The following KCNJ4 variants were observed in gnomAD, a reference collection of about 807,000 sequenced individuals.
KCNJ4 encodes inward rectifier potassium channel 4.
In KCNJ4, 3 loss-of-function variants were observed where a neutral mutation model predicts 25.6. The observed-to-expected ratio is 0.12, with a 90% CI of 0.05 to 0.30. The LOEUF is 0.30. KCNJ4 is among the 10% of genes least tolerant of loss of function. KCNJ4 has a pLI of 1.00. For missense variants in KCNJ4, 286 were observed against 666.8 expected (o/e 0.43, Z 6.29); for synonymous variants, 257 against 283.9 (o/e 0.91, Z 0.95).
chr22:38,435,417 G>A (rs1269362160), intron 1 of KCNJ4, among the ~76,000 whole-genome samples: 2 of 152,190 alleles, frequency 1.3e-5, no homozygotes, highest in Non-Finnish European at 2.9e-5. Flanking sequence ...AATTTGCCGG[G>A]CACGGTGGCT....
chr22:38,452,167 C>G (rs973165565), intron 1 of KCNJ4, among the ~76,000 whole-genome samples: 4 of 152,166 alleles, frequency 2.6e-5, no homozygotes, highest in African/African-American at 9.6e-5. Flanking sequence ...CCAGGAGAGC[C>G]GCAGAACTTA....
intron 1 of KCNJ4, among the ~76,000 whole-genome samples, chr22:38,448,426 G>A (rs1006382989): frequency 2.0e-5 from 3 of 152,138 alleles, no homozygotes; most frequent in Admixed American, 1.3e-4. Context: ...GCCTAGTCAA[G>A]GTCATGCGGA....
intron 1 of KCNJ4, among the ~76,000 whole-genome samples, chr22:38,435,353 C>T (rs1043276783): frequency 2.0e-5 from 3 of 152,266 alleles, no homozygotes; most frequent in East Asian, 1.9e-4. Flanking sequence ...CATAGCTCAG[C>T]GCACCCAGGA....
chr22:38,441,482 T>C (rs2089332939), intron 1 of KCNJ4, among the ~76,000 whole-genome samples: 1 of 152,120 alleles, frequency 6.6e-6, no homozygotes, highest in African/African-American at 2.4e-5. Flanking sequence ...CCCCATCCCA[T>C]TGCCTCATCC....
chr22:38,441,334 G>A (rs2089331460), intron 1 of KCNJ4, among the ~76,000 whole-genome samples: 2 of 152,190 alleles, frequency 1.3e-5, no homozygotes, highest in African/African-American at 2.4e-5. Context: ...AGAGCCAGGA[G>A]TTCTGCTGGG....
rs1479542384 is a variant in KCNJ4, at chr22:38,443,692, G to A, written c.-40+11288C>T. On this transcript the variant is annotated intron_variant, in intron 1 of 1. Coordinates refer to ENST00000303592, the MANE Select transcript of KCNJ4 (RefSeq NM_152868.3). This position sits in a 1 kb window ranked among gnomAD's most constrained non-coding sequence, Gnocchi z 4.1. ...GTGGGCTTGGGAGCTTGCCCAAAGC[G>A]GGTGAACCTCGGGGCCCCGGACACG... Among the ~76,000 whole-genome samples, 3 of 152,154 alleles carry A rather than the reference G, an allele frequency of 2.0e-5. No homozygotes were observed. The highest frequency in any genetic ancestry group is 6.5e-5 in the Admixed American group (1 of 15,278).
At chr22:38,447,783 C>T (rs1403601124) in intron 1 of KCNJ4, among the ~76,000 whole-genome samples, 2 of 152,118 alleles carry the variant, frequency 1.3e-5, no homozygotes, top group Non-Finnish European at 2.9e-5. Context: ...AGAACCCTCC[C>T]GTCCGGGTGC....
intron 1 of KCNJ4, among the ~76,000 whole-genome samples, chr22:38,440,928 G>A (rs1034566786): frequency 6.6e-6 from 1 of 152,194 alleles, no homozygotes; most frequent in Non-Finnish European, 1.5e-5. Flanking sequence ...GTCAGATCCC[G>A]AGCCTCCAGA....
At chr22:38,444,600 A>G (rs573511362) in intron 1 of KCNJ4, among the ~76,000 whole-genome samples, 26 of 152,314 alleles carry the variant, frequency 1.7e-4, no homozygotes, top group African/African-American at 6.0e-4. Flanking sequence ...TGGCAGGGAC[A>G]TGTGTACAGG....
intron 1 of KCNJ4, among the ~76,000 whole-genome samples, chr22:38,435,040 C>T (rs1313097152): frequency 6.6e-6 from 1 of 152,230 alleles, no homozygotes; most frequent in Admixed American, 6.5e-5. Flanking sequence ...GGACTGGGAG[C>T]TGGGGAACCC....
intron 1 of KCNJ4, among the ~76,000 whole-genome samples, chr22:38,432,363 T>C (rs1263792973): frequency 6.6e-6 from 1 of 152,156 alleles, no homozygotes; most frequent in Non-Finnish European, 1.5e-5. Flanking sequence ...ACCACTTTTG[T>C]GGATGCAGGG....
chr22:38,432,923 A>T (rs1206207831), intron 1 of KCNJ4, among the ~76,000 whole-genome samples: 1 of 151,642 alleles, frequency 6.6e-6, no homozygotes, highest in African/African-American at 2.4e-5. Flanking sequence ...GTCAGCCGAG[A>T]TCACACCACT....
chr22:38,434,579 C>T (rs2093060083), intron 1 of KCNJ4, among the ~76,000 whole-genome samples: 1 of 152,122 alleles, frequency 6.6e-6, no homozygotes, highest in Non-Finnish European at 1.5e-5. Context: ...AGGTCCTTGG[C>T]TCACCCTGGT....
At chr22:38,441,586 TCTCA>T (rs913816044) in intron 1 of KCNJ4, among the ~76,000 whole-genome samples, 3 of 152,024 alleles carry the variant, frequency 2.0e-5, no homozygotes, top group Non-Finnish European at 4.4e-5. Context: ...AATGTGCCCC[TCTCA>T]CTCACACACA....
intron 1 of KCNJ4, among the ~76,000 whole-genome samples, chr22:38,448,557 A>G (rs2089391637): frequency 6.6e-6 from 1 of 152,030 alleles, no homozygotes; most frequent in African/African-American, 2.4e-5. Flanking sequence ...TTCTGGGGAG[A>G]AGGAGCTTAA....
At chr22:38,452,464 G>A (rs1325282226) in intron 1 of KCNJ4, among the ~76,000 whole-genome samples, 4 of 152,230 alleles carry the variant, frequency 2.6e-5, no homozygotes, top group Non-Finnish European at 5.9e-5. Flanking sequence ...GCTGAGATGG[G>A]AAGAGTGAGC....
rs117117092 is a variant in KCNJ4, at chr22:38,448,290, C to T, written c.-40+6690G>A. 3.7e-3 allele frequency among the ~76,000 whole-genome samples: 558 copies of T among 151,622 alleles called. 1 individual carries two copies. Among genetic ancestry groups the T allele is most frequent in the Middle Eastern group, 6.9e-3 (2 of 290 alleles). On this transcript the variant is annotated intron_variant, in intron 1 of 1. Transcript: ENST00000303592. The stretch of plus-strand genomic sequence containing the variant: ...AAGGAACCCTCCCATCCCTGCAGCC[C>T]GGGTCGCTGGTGTGTGAGCTTCTCC...
At chr22:38,450,427 T>C (rs1457631021) in intron 1 of KCNJ4, among the ~76,000 whole-genome samples, 3 of 152,152 alleles carry the variant, frequency 2.0e-5, no homozygotes, top group South Asian at 4.1e-4. Context: ...CCCAAGGAAG[T>C]TGTCTCCAAG....
intron 1 of KCNJ4, among the ~76,000 whole-genome samples, chr22:38,441,999 G>T (rs2089338575): frequency 6.6e-6 from 1 of 152,150 alleles, no homozygotes; most frequent in Non-Finnish European, 1.5e-5. Flanking sequence ...AAAGGAGAGA[G>T]AAGAAATTTA....
Sources: gnomAD v4.1 joint callset for allele counts (sites outside exome capture counted in the v4.1 genomes callset) on GRCh38, gnomAD v4.1.1 for gene constraint, Gnocchi (gnomAD v3.1) non-coding constraint, MANE v1.5 for transcripts, NCBI Gene and HGNC (gene_info 2026-07-23, HGNC 2026-07-21) for gene names.